The following LRRTM4 variants were observed in gnomAD, a reference collection of about 807,000 sequenced individuals.
LRRTM4 encodes leucine-rich repeat transmembrane neuronal protein 4.
LRRTM4 carries 25 observed loss-of-function variants against 47.6 expected under a neutral mutation model. That is an observed-to-expected ratio of 0.53 (90% CI 0.38 to 0.73). LRRTM4 has a LOEUF of 0.73. LRRTM4 is among the 30% of genes least tolerant of loss of function. LRRTM4 has a pLI of 0.00. For synonymous variants in LRRTM4, 311 were observed against 269.5 expected, an observed-to-expected ratio of 1.15 and a Z score of -1.51; for missense variants, 638 against 713.4, an observed-to-expected ratio of 0.89 and a Z score of 1.20.
At chr2:77,051,244 G>A (rs985581080) in intron 3 of LRRTM4, among the ~76,000 whole-genome samples, 1 of 151,978 alleles carries the variant, frequency 6.6e-6, no homozygotes, top group African/African-American at 2.4e-5. Context: ...AGTTCAAAAC[G>A]TTGGTAGTGC....
intron 3 of LRRTM4, among the ~76,000 whole-genome samples, chr2:77,476,111 A>G (rs1677377831): frequency 6.6e-6 from 1 of 152,092 alleles, no homozygotes; most frequent in African/African-American, 2.4e-5. Context: ...TGAAAGCAAT[A>G]GAGTCTTTTC....
At chr2:77,372,170 G>C (rs1672677721) in intron 3 of LRRTM4, among the ~76,000 whole-genome samples, 1 of 151,688 alleles carries the variant, frequency 6.6e-6, no homozygotes, top group Non-Finnish European at 1.5e-5. Flanking sequence ...CATTAGTTTT[G>C]TTATTCTGGT....
At chr2:76,889,892 A>G (rs1032362432) in intron 3 of LRRTM4, among the ~76,000 whole-genome samples, 2 of 152,008 alleles carry the variant, frequency 1.3e-5, no homozygotes, top group Non-Finnish European at 2.9e-5. Context: ...GCAAGCAATC[A>G]AGAATTGCAA....
intron 3 of LRRTM4, among the ~76,000 whole-genome samples, chr2:77,006,567 A>G (rs1677658579): frequency 6.6e-6 from 1 of 152,126 alleles, no homozygotes; most frequent in Admixed American, 6.6e-5. Flanking sequence ...GAGGGGTAAG[A>G]GCTAAGGAAG....
intron 3 of LRRTM4, among the ~76,000 whole-genome samples, chr2:77,397,051 A>G (rs1243928179): frequency 6.6e-6 from 1 of 151,924 alleles, no homozygotes; most frequent in Non-Finnish European, 1.5e-5. Context: ...AAGTGTAAAG[A>G]GGATGCATTG....
At chr2:76,766,153 A>G (rs1227705330) in intron 3 of LRRTM4, among the ~76,000 whole-genome samples, 1 of 152,172 alleles carries the variant, frequency 6.6e-6, no homozygotes, top group East Asian at 1.9e-4. Context: ...TCCTTTCTTG[A>G]ACATCTTCCT....
intron 3 of LRRTM4, among the ~76,000 whole-genome samples, chr2:77,329,581 T>C: frequency 6.6e-6 from 1 of 152,078 alleles, no homozygotes; most frequent in East Asian, 1.9e-4. Context: ...CTCCCTGCAC[T>C]CCCTTTGCAC....
At chr2:76,959,551 T>C (rs1675783584) in intron 3 of LRRTM4, among the ~76,000 whole-genome samples, 1 of 151,758 alleles carries the variant, frequency 6.6e-6, no homozygotes, top group African/African-American at 2.4e-5. Flanking sequence ...CAAACAGGCA[T>C]ATACTCCTTA....
intron 3 of LRRTM4, among the ~76,000 whole-genome samples, chr2:77,280,972 C>A (rs1558666520): frequency 6.6e-6 from 1 of 151,912 alleles, no homozygotes; most frequent in African/African-American, 2.4e-5. Context: ...CTAATACCCC[C>A]TGATCTATTA....
chr2:76,784,085 G>C (rs2104172341), intron 3 of LRRTM4, among the ~76,000 whole-genome samples: 1 of 152,060 alleles, frequency 6.6e-6, no homozygotes, highest in African/African-American at 2.4e-5. Context: ...TGTATTTTGA[G>C]CTAAAACAAT....
chr2:77,433,173 G>A (rs181762918), intron 3 of LRRTM4, among the ~76,000 whole-genome samples: 1 of 152,274 alleles, frequency 6.6e-6, no homozygotes, highest in East Asian at 1.9e-4. Flanking sequence ...ACATGCTTTT[G>A]TAACCCCAAG....
intron 3 of LRRTM4, among the ~76,000 whole-genome samples, chr2:76,984,284 C>T (rs1272815373): frequency 4.0e-5 from 6 of 151,832 alleles, no homozygotes; most frequent in Admixed American, 3.3e-4. Flanking sequence ...TATTAGTACA[C>T]ATTAATTGAA....
chr2:77,223,058 A>G (rs1278487004), intron 3 of LRRTM4, among the ~76,000 whole-genome samples: 1 of 152,104 alleles, frequency 6.6e-6, no homozygotes, highest in African/African-American at 2.4e-5. Context: ...TCAACATACG[A>G]AAATCAATAA....
At chr2:77,031,261 T>G (rs1678646398) in intron 3 of LRRTM4, among the ~76,000 whole-genome samples, 1 of 152,232 alleles carries the variant, frequency 6.6e-6, no homozygotes, top group Admixed American at 6.5e-5. Context: ...TGCATTAATT[T>G]TTCTTTTTTC....
At chr2:77,135,149 C>T (rs1392150216) in intron 3 of LRRTM4, among the ~76,000 whole-genome samples, 3 of 152,170 alleles carry the variant, frequency 2.0e-5, no homozygotes, top group East Asian at 1.9e-4. Flanking sequence ...GATCAGCATC[C>T]TTCCAACTCC....
chr2:76,779,799 T>C (rs1017749655), intron 3 of LRRTM4, among the ~76,000 whole-genome samples: 9 of 152,360 alleles, frequency 5.9e-5, no homozygotes, highest in Middle Eastern at 3.4e-3. Flanking sequence ...TTTGATCTTA[T>C]CATTATGATG....
In LRRTM4 at chr2:77,515,655, C is replaced by A. The variant is rs1446237059; in HGVS notation, c.1551+2663G>T. ...ATGTCTTATAAATATATTAATGGTT[C>A]TCTGCTAAACTAGTGATATATGAGA... On this transcript the variant is annotated intron_variant, in intron 3 of 3. Coordinates refer to ENST00000409884, the MANE Select transcript of LRRTM4 (RefSeq NM_001134745.3). Among the ~76,000 whole-genome samples the A allele has an allele frequency of 4.0e-5, 6 of 151,490 alleles. 1 individual carries two copies. The highest frequency in any genetic ancestry group is 2.0e-4 in the Admixed American group (3 of 15,168).
At chr2:77,106,391 A>G (rs1671093141) in intron 3 of LRRTM4, among the ~76,000 whole-genome samples, 1 of 152,178 alleles carries the variant, frequency 6.6e-6, no homozygotes, top group African/African-American at 2.4e-5. Context: ...ATTTAATTAA[A>G]TCAAAACCAT....
Position 76,791,483 on chromosome 2 carries a change from AAAC to A in LRRTM4, c.1552-42570_1552-42568del, listed in dbSNP as rs150026230. ...CCAAGAACTTCACTTAGATACTGAGAAACAACAAGGAAGACAAGGGACTCGAGT... is the reference window on the plus strand; with the variant it reads ...CCAAGAACTTCACTTAGATACTGAGAAACAAGGAAGACAAGGGACTCGAGT... On this transcript the variant is annotated intron_variant, in intron 3 of 3. Transcript: ENST00000409884. 6.9e-3 allele frequency among the ~76,000 whole-genome samples: 1,047 copies of A among 152,322 alleles called. 9 individuals carry two copies. The highest frequency in any genetic ancestry group is 0.024 in the African/African-American group (991 of 41,584).
Sources: allele counts gnomAD v4.1 joint callset (sites outside exome capture counted in the v4.1 genomes callset), GRCh38; gene constraint gnomAD v4.1.1; transcripts MANE v1.5; gene names NCBI Gene and HGNC (gene_info 2026-07-23, HGNC 2026-07-21).